CES5A: variants seen among roughly 807,000 people sequenced by gnomAD.
CES5A encodes the protein carboxylesterase 5A.
CES5A carries 67 observed loss-of-function variants against 62.9 expected under a neutral mutation model. The observed-to-expected ratio is 1.07, with a 90% CI of 0.88 to 1.31. The LOEUF (loss-of-function observed/expected upper bound fraction) is 1.31. Ranked by LOEUF, CES5A falls within the 50% of genes most tolerant of loss-of-function variation. The pLI, the probability that CES5A is intolerant of heterozygous loss-of-function variation, is 0.00. For missense variants in CES5A, 748 were observed against 708.5 expected, an observed-to-expected ratio of 1.06 and a Z score of -0.63; for synonymous variants, 296 against 280.8, an observed-to-expected ratio of 1.05 and a Z score of -0.54.
upstream of CES5A, among the ~76,000 whole-genome samples, chr16:55,928,548 A>T (rs1482127489): frequency 1.3e-5 from 2 of 152,182 alleles, no homozygotes; most frequent in Non-Finnish European, 2.9e-5. Context: ...ACCAAAACCC[A>T]CTTGTACCCT....
chr16:55,903,243 C>T (rs1169071714), intron 1 of CES5A, among the ~76,000 whole-genome samples: 1 of 152,112 alleles, frequency 6.6e-6, no homozygotes, highest in African/African-American at 2.4e-5. Flanking sequence ...TGTCAACACG[C>T]TTTCTACACC....
chr16:55,916,730 T>G (rs755517454), intron 1 of CES5A, among the ~76,000 whole-genome samples: 1 of 152,162 alleles, frequency 6.6e-6, no homozygotes, highest in Non-Finnish European at 1.5e-5. Context: ...ACAGCTTTAG[T>G]GGAAATGAAA....
chr16:55,864,563 T>C (rs532193422), intron 5 of CES5A, among the ~76,000 whole-genome samples: 2 of 152,176 alleles, frequency 1.3e-5, no homozygotes, highest in African/African-American at 4.8e-5. Context: ...TCAAATTATG[T>C]CTGGAAAAAA....
intron 7 of CES5A, among the ~76,000 whole-genome samples, chr16:55,860,991 C>T (rs1443257399): frequency 6.6e-6 from 1 of 152,234 alleles, no homozygotes; most frequent in Non-Finnish European, 1.5e-5. Flanking sequence ...GGGCATCTCA[C>T]TACCTTCTAA....
intron 1 of CES5A, among the ~76,000 whole-genome samples, chr16:55,893,648 G>C (rs1262861717): frequency 3.9e-5 from 6 of 152,044 alleles, no homozygotes; most frequent in African/African-American, 1.4e-4. Flanking sequence ...TAGTGAACTT[G>C]AAAACAAGGT....
At chr16:55,945,269 T>C (rs1433496062) in intron 2 of CES5A, among the ~76,000 whole-genome samples, 1 of 152,144 alleles carries the variant, frequency 6.6e-6, no homozygotes. Context: ...TAGGGGTAGG[T>C]ACATTATCTG....
At chr16:55,882,750 G>A (rs1279279946) in intron 1 of CES5A, among the ~76,000 whole-genome samples, 6 of 152,176 alleles carry the variant, frequency 3.9e-5, no homozygotes, top group African/African-American at 1.4e-4. Flanking sequence ...AGAAATCCTA[G>A]CATGTTCTGC....
At chr16:55,890,214 T>G (rs1309579253) in intron 1 of CES5A, among the ~76,000 whole-genome samples, 18 of 148,242 alleles carry the variant, frequency 1.2e-4, no homozygotes, top group Admixed American at 4.1e-4. Flanking sequence ...TTAAGAAGAA[T>G]TCCAAGACAA....
rs538351752 is a variant in CES5A at position 55,900,717 on chromosome 16, C to T, written c.-256+24606G>A. 2.6e-4 allele frequency among the ~76,000 whole-genome samples: 39 copies of T among 152,204 alleles called. No homozygotes were observed. In the South Asian group the frequency reaches 3.9e-3, roughly 15 times the overall value. ...CAGATTTGGGGTGAGGAACAAGAGT[C>T]GAGCTTGCTCTCACTCTGCAGCCAA... On this transcript the variant is annotated intron_variant, in intron 1 of 12. Coordinates refer to the CES5A transcript ENST00000518005.
intron 8 of CES5A, 92 bp from the exon 9 acceptor site, chr16:55,856,537 G>T: frequency 8.3e-7 from 1 of 1,211,658 alleles, no homozygotes; most frequent in Non-Finnish European, 1.2e-6. Flanking sequence ...TTTCACAGGG[G>T]AAGTTGGATA....
At chr16:55,944,012 GA>G in intron 2 of CES5A, 1 of 701,952 alleles carries the variant, frequency 1.4e-6, no homozygotes, top group South Asian at 1.5e-5. Flanking sequence ...TCTTTCCAGG[GA>G]AAAATCGCAA....
At chr16:55,939,440 G>A (rs1385893236) in intron 2 of CES5A, among the ~76,000 whole-genome samples, 1 of 152,130 alleles carries the variant, frequency 6.6e-6, no homozygotes, top group African/African-American at 2.4e-5. Context: ...ATACTAACAG[G>A]TAGATAGGGA....
At chr16:55,909,806 C>A (rs1217526731) in intron 1 of CES5A, among the ~76,000 whole-genome samples, 2 of 152,212 alleles carry the variant, frequency 1.3e-5, no homozygotes, top group Middle Eastern at 3.2e-3. Flanking sequence ...TGGCCTTGGA[C>A]AAGTTCATTC....
At chr16:55,927,819 A>G (rs188786643), upstream of CES5A, among the ~76,000 whole-genome samples, 183 of 152,356 alleles carry the variant, frequency 1.2e-3, no homozygotes, top group African/African-American at 4.2e-3. Context: ...AGTTACCTGC[A>G]TTCATATGTT....
intron 1 of CES5A, among the ~76,000 whole-genome samples, chr16:55,891,451 A>ACATT (rs2033876888): frequency 6.6e-6 from 1 of 152,232 alleles, no homozygotes; most frequent in Admixed American, 6.5e-5. Flanking sequence ...TTGGTTTTAT[A>ACATT]CATTTTAGGG....
chr16:55,854,572 C>T (rs1387670961), intron 9 of CES5A, among the ~76,000 whole-genome samples: 10 of 15,954 alleles, frequency 6.3e-4, no homozygotes, highest in Non-Finnish European at 1.3e-4. Flanking sequence ...CAGAGTCTCT[C>T]GCTCTGTTGC....
intron 2 of CES5A, among the ~76,000 whole-genome samples, chr16:55,949,305 G>A (rs1268455646): frequency 6.6e-6 from 1 of 152,190 alleles, no homozygotes; most frequent in Non-Finnish European, 1.5e-5. Flanking sequence ...TGAAGATGAG[G>A]TGATCCTTCG....
chr16:55,917,602 C>T (rs2034160545), intron 1 of CES5A, among the ~76,000 whole-genome samples: 1 of 152,182 alleles, frequency 6.6e-6, no homozygotes, highest in African/African-American at 2.4e-5. Flanking sequence ...AGGCAGCTAA[C>T]AGAGGGGCAA....
chr16:55,851,711 A>G (rs2033135985), intron 10 of CES5A, among the ~76,000 whole-genome samples: 1 of 152,230 alleles, frequency 6.6e-6, no homozygotes, highest in South Asian at 2.1e-4. Flanking sequence ...TGTTCATTGC[A>G]GCATTATAGC....
Sources: allele counts gnomAD v4.1 joint callset (sites outside exome capture counted in the v4.1 genomes callset), GRCh38; gene constraint gnomAD v4.1.1; transcripts MANE v1.5; gene names NCBI Gene and HGNC (gene_info 2026-07-23, HGNC 2026-07-21).